Variants in DTNA observed in about 807,000 individuals in gnomAD.
DTNA encodes the protein dystrobrevin alpha, also known as dystrophin-related protein 3.
In DTNA, 43 loss-of-function variants were observed where a neutral mutation model predicts 100.7. That is an observed-to-expected ratio of 0.43 (90% CI 0.33 to 0.55). The LOEUF (loss-of-function observed/expected upper bound fraction) is 0.55. Ranked by LOEUF, DTNA falls within the 20% of genes least tolerant of loss-of-function variation. The pLI is 0.04. For synonymous variants in DTNA, 349 were observed against 347.9 expected, an observed-to-expected ratio of 1.00 and a Z score of -0.04; for missense variants, 798 against 953.9, an observed-to-expected ratio of 0.84 and a Z score of 2.15.
At chr18:34,628,778 CTTGT>C (rs2057683416) in intron 1 of DTNA, among the ~76,000 whole-genome samples, 5 of 152,252 alleles carry the variant, frequency 3.3e-5, no homozygotes, top group Middle Eastern at 3.4e-3. Flanking sequence ...CTTACTTGAA[CTTGT>C]TTGTCACACT....
intron 1 of DTNA, among the ~76,000 whole-genome samples, chr18:34,716,027 T>C (rs1028646425): frequency 2.6e-5 from 4 of 152,148 alleles, no homozygotes; most frequent in Non-Finnish European, 4.4e-5. Context: ...TGCTATCATA[T>C]AGCAGTGTAC....
chr18:34,568,133 G>A (rs1468956736), intron 1 of DTNA, among the ~76,000 whole-genome samples: 1 of 152,004 alleles, frequency 6.6e-6, no homozygotes, highest in Non-Finnish European at 1.5e-5. Flanking sequence ...GTTCACACTA[G>A]ATGAAGGGTA....
At chr18:34,840,480 A>G (rs1356809508) in intron 13 of DTNA, among the ~76,000 whole-genome samples, 1 of 152,158 alleles carries the variant, frequency 6.6e-6, no homozygotes. Flanking sequence ...TCCTCTTCCC[A>G]TAATTCTAAG....
chr18:34,744,245 A>G (rs2091208696), intron 1 of DTNA, among the ~76,000 whole-genome samples: 1 of 152,208 alleles, frequency 6.6e-6, no homozygotes, highest in Non-Finnish European at 1.5e-5. Context: ...TAGTTTCACT[A>G]AAAATCACCC....
chr18:34,890,862 A>G lies in DTNA; in HGVS notation c.*3128A>G. 6.1e-6 allele frequency: 1 copy of G among 162,828 alleles called. No homozygotes were observed. Among genetic ancestry groups the G allele is most frequent in the South Asian group, 1.8e-4 (1 of 5,504 alleles). 10.1% of individuals were successfully genotyped at this position (162,828 alleles called of 1,614,324 possible). ...ATGTATTTTCTTATATGCATGAGCCAAACTGTTGCATCATAATTTAGCACT... is the reference window on the plus strand; with the variant it reads ...ATGTATTTTCTTATATGCATGAGCCGAACTGTTGCATCATAATTTAGCACT... On this transcript the variant is annotated 3_prime_UTR_variant, in exon 23 of 23. Transcript: ENST00000444659.
At chr18:34,834,210 T>C (rs1045374978) in intron 11 of DTNA, among the ~76,000 whole-genome samples, 6 of 151,920 alleles carry the variant, frequency 3.9e-5, no homozygotes, top group Non-Finnish European at 7.4e-5. Flanking sequence ...AGAAAAGAGG[T>C]TGAGGCTGGG....
chr18:34,678,565 T>G (rs1184918116), intron 1 of DTNA, among the ~76,000 whole-genome samples: 1 of 152,074 alleles, frequency 6.6e-6, no homozygotes, highest in Non-Finnish European at 1.5e-5. Context: ...AGCTTCAAAT[T>G]TTTGCTGCTT....
intron 1 of DTNA, among the ~76,000 whole-genome samples, chr18:34,755,301 T>C (rs1312439240): frequency 1.3e-5 from 2 of 152,216 alleles, no homozygotes; most frequent in Admixed American, 6.5e-5. Context: ...TTTTAACTGT[T>C]GGCATTTTAG....
chr18:34,821,024 T>G (rs2095702558), intron 9 of DTNA, 109 bp downstream of exon 9: 3 of 1,519,202 alleles, frequency 2.0e-6, no homozygotes, highest in Non-Finnish European at 2.7e-6. Context: ...GATTTTTAAT[T>G]TAGTTTAAAA....
intron 1 of DTNA, among the ~76,000 whole-genome samples, chr18:34,596,346 G>A (rs544878035): frequency 6.6e-6 from 1 of 152,232 alleles, no homozygotes; most frequent in Admixed American, 6.5e-5. Context: ...GGCCTCCCAA[G>A]TAGCTGGGAT....
rs2096936246 is a variant in DTNA at position 34,887,750 on chromosome 18, C to T, written c.*32-16C>T. On this transcript the variant is annotated splice_polypyrimidine_tract_variant and intron_variant, in intron 22 of 22. Coordinates refer to ENST00000444659, the MANE Select transcript of DTNA (RefSeq NM_001386795.1). ...ATTTGCATCTTTAAAAAAAATTACA[C>T]ATTCCTTATTCCCAGGCAAGCTATA... 4.1e-6 allele frequency: 4 copies of T among 985,318 alleles called. No homozygotes were observed. Among genetic ancestry groups the T allele is most frequent in the Non-Finnish European group, 4.8e-6 (4 of 829,942 alleles). 61.0% of individuals were successfully genotyped at this position (985,318 alleles called of 1,614,324 possible). A position where few individuals can be genotyped will look rare whatever the true frequency, so the allele number is the denominator to read the frequency against.
intron 11 of DTNA, among the ~76,000 whole-genome samples, chr18:34,835,033 C>T (rs183606743): frequency 3.3e-4 from 51 of 152,294 alleles, no homozygotes; most frequent in South Asian, 8.3e-4. Context: ...AGTCAACTCT[C>T]GAGGTTCTTG....
chr18:34,818,099 T>C (rs2095635577), intron 7 of DTNA, 65 bp from the exon 8 acceptor site: 1 of 1,612,796 alleles, frequency 6.2e-7, no homozygotes, highest in South Asian at 1.1e-5. Flanking sequence ...TGTAAGGCTG[T>C]ATTTTTCCTT....
chr18:34,737,253 G>A (rs2089786452), intron 1 of DTNA, among the ~76,000 whole-genome samples: 1 of 152,130 alleles, frequency 6.6e-6, no homozygotes, highest in Non-Finnish European at 1.5e-5. Flanking sequence ...TATGAAGGCT[G>A]TTATCTAAGT....
chr18:34,741,900 C>A (rs934462490), intron 1 of DTNA, among the ~76,000 whole-genome samples: 1 of 152,104 alleles, frequency 6.6e-6, no homozygotes, highest in Non-Finnish European at 1.5e-5. Context: ...GTTAGACTGA[C>A]GTGAGTTCAA....
intron 1 of DTNA, among the ~76,000 whole-genome samples, chr18:34,529,759 T>C (rs2042969883): frequency 6.6e-6 from 1 of 152,156 alleles, no homozygotes; most frequent in African/African-American, 2.4e-5. Context: ...TCAAATTGCA[T>C]GTTAGTAAAA....
At chr18:34,682,838 C>T (rs933270016) in intron 1 of DTNA, among the ~76,000 whole-genome samples, 1 of 151,468 alleles carries the variant, frequency 6.6e-6, no homozygotes, top group Non-Finnish European at 1.5e-5. Flanking sequence ...TTTTTAAAAA[C>T]TGAAAAAAAA....
chr18:34,738,578 A>G (rs2090068877), intron 1 of DTNA, among the ~76,000 whole-genome samples: 1 of 151,826 alleles, frequency 6.6e-6, no homozygotes, highest in African/African-American at 2.4e-5. Context: ...CCCTCCTTCT[A>G]CTCCTTTCTC....
chr18:34,819,660 C>A (rs973666326), intron 8 of DTNA, among the ~76,000 whole-genome samples: 13 of 152,064 alleles, frequency 8.5e-5, no homozygotes, highest in Non-Finnish European at 1.8e-4. Flanking sequence ...ACATTATATT[C>A]CAGGGCACTA....
Sources: gnomAD v4.1 joint callset for allele counts (sites outside exome capture counted in the v4.1 genomes callset) on GRCh38, gnomAD v4.1.1 for gene constraint, MANE v1.5 for transcripts, NCBI Gene and HGNC (gene_info 2026-07-23, HGNC 2026-07-21) for gene names.